EEPD1: variants seen among roughly 807,000 people sequenced by gnomAD.
EEPD1 encodes the protein endonuclease/exonuclease/phosphatase family domain-containing protein 1.
In EEPD1, 17 loss-of-function variants were observed where a neutral mutation model predicts 46.3. The observed-to-expected ratio is 0.37, with a 90% CI of 0.25 to 0.55. The LOEUF (loss-of-function observed/expected upper bound fraction) is 0.55. EEPD1 is among the 20% of genes least tolerant of loss of function. The pLI is 0.83. For missense variants in EEPD1, 673 were observed against 745.6 expected (o/e 0.90, Z 1.13); for synonymous variants, 313 against 315.6 (o/e 0.99, Z 0.09).
Position 36,155,198 on chromosome 7 carries a change from A to C in EEPD1, c.874A>C (p.Asn292His), listed in dbSNP as rs1784808204. The change falls in exon 2 of 8, where the codon AAC becomes CAC. Residue 292 changes from asparagine to histidine, a missense_variant. Coordinates refer to ENST00000242108, the MANE Select transcript of EEPD1 (RefSeq NM_030636.3). Reference protein sequence around the residue: ...REVVCMTLLENSIKLLAVQEL... With the variant: ...REVVCMTLLEHSIKLLAVQEL... ...GGTGGTGTGCATGACACTCCTGGAA[A>C]ACAGGTGAGGACAGGAACCACCATG... 6.6e-7 allele frequency: 1 copy of C among 1,511,618 alleles called. No individual in the cohort carries two copies. Among genetic ancestry groups the C allele is most frequent in the Admixed American group, 2.3e-5 (1 of 43,918 alleles). The allele number at this position is 1,511,618 out of a possible 1,614,324, so 93.6% of individuals were successfully genotyped here.
rs547734963 is a variant in EEPD1, at chr7:36,193,015, A to G, written c.878+37813A>G. 9.8e-5 allele frequency among the ~76,000 whole-genome samples: 15 copies of G among 152,328 alleles called. 1 individual carries two copies. In the South Asian group the frequency reaches 2.9e-3, roughly 29 times the overall value. On this transcript the variant is annotated intron_variant, in intron 2 of 7. Transcript: ENST00000242108. This position sits in a 1 kb window ranked among gnomAD's most constrained non-coding sequence, Gnocchi z 4.9. ...GGGGATGCGCAGCGAGGGGCAGCTC[A>G]GGGCTGGACTCTTCACTGCTGTCTT...
At chr7:36,204,095 C>T (rs10246058) in intron 2 of EEPD1, among the ~76,000 whole-genome samples, 21,037 of 149,410 alleles carry the variant, frequency 0.14, 1,492 homozygotes, top group Middle Eastern at 0.2. Flanking sequence ...AGTGCAGTGA[C>T]GCGATCACAG....
At chr7:36,198,031 A>G (rs1326605602) in intron 2 of EEPD1, among the ~76,000 whole-genome samples, 2 of 152,202 alleles carry the variant, frequency 1.3e-5, no homozygotes, top group African/African-American at 2.4e-5. Context: ...ACCTTTTTCC[A>G]TTTGTCCTTG....
At chr7:36,281,951 A>T (rs1418793811) in intron 4 of EEPD1, among the ~76,000 whole-genome samples, 1 of 152,208 alleles carries the variant, frequency 6.6e-6, no homozygotes, top group African/African-American at 2.4e-5. Context: ...ACTTAATATG[A>T]TTATGTTTAT....
intron 2 of EEPD1, among the ~76,000 whole-genome samples, chr7:36,236,006 C>G (rs1786430080): frequency 6.6e-6 from 1 of 151,516 alleles, no homozygotes. Context: ...CTCACTGCAG[C>G]CTCGACCTCC....
chr7:36,202,753 CT>C (rs1785735473), intron 2 of EEPD1, among the ~76,000 whole-genome samples: 1 of 152,232 alleles, frequency 6.6e-6, no homozygotes, highest in Non-Finnish European at 1.5e-5. Flanking sequence ...GAAACCGCCA[CT>C]AGCCCCATTT....
intron 2 of EEPD1, among the ~76,000 whole-genome samples, chr7:36,197,288 G>GTGGGGGGGTCAGCCC (rs1183639348): frequency 2.7e-5 from 4 of 145,500 alleles, no homozygotes; most frequent in African/African-American, 1.1e-4. Flanking sequence ...CGGGAGGGAG[G>GTGGGGGGGTCAGCCC]TGGGGGGGTC....
At chr7:36,201,982 C>T (rs1025777300) in intron 2 of EEPD1, among the ~76,000 whole-genome samples, 1 of 152,200 alleles carries the variant, frequency 6.6e-6, no homozygotes, top group Non-Finnish European at 1.5e-5. Context: ...GCAGCATCAG[C>T]ATCATCTGAG....
chr7:36,172,947 A>G (rs1785113862), intron 2 of EEPD1, among the ~76,000 whole-genome samples: 1 of 149,018 alleles, frequency 6.7e-6, no homozygotes, highest in Non-Finnish European at 1.5e-5. Flanking sequence ...CTGAGCCCCA[A>G]GTGGGTGGGG....
intron 2 of EEPD1, among the ~76,000 whole-genome samples, chr7:36,224,644 TGGAAAAGCAACAGAAAG>T (rs1209139304): frequency 6.6e-6 from 1 of 151,968 alleles, no homozygotes; most frequent in Non-Finnish European, 1.5e-5. Context: ...ATATTTGACA[TGGAAAAGCAACAGAAAG>T]GGAAAAGCAA....
intron 2 of EEPD1, among the ~76,000 whole-genome samples, chr7:36,172,510 C>T (rs1785102252): frequency 1.3e-5 from 2 of 152,136 alleles, no homozygotes; most frequent in African/African-American, 4.8e-5. Context: ...TTTCCAGTAT[C>T]CTTTATAACA....
intron 2 of EEPD1, among the ~76,000 whole-genome samples, chr7:36,214,737 C>T (rs1189263557): frequency 6.6e-6 from 1 of 152,184 alleles, no homozygotes; most frequent in African/African-American, 2.4e-5. Context: ...GCAGTTGTTG[C>T]AACCTAACTA....
intron 7 of EEPD1, among the ~76,000 whole-genome samples, chr7:36,298,425 A>G (rs1787559775): frequency 6.6e-6 from 1 of 152,222 alleles, no homozygotes; most frequent in Non-Finnish European, 1.5e-5. Flanking sequence ...ACTAAGGACC[A>G]CACAGTGCTT....
At chr7:36,298,805 C>T (rs11773170) in intron 7 of EEPD1, among the ~76,000 whole-genome samples, 35,482 of 152,108 alleles carry the variant, frequency 0.23, 4,677 homozygotes, top group Non-Finnish European at 0.3. Flanking sequence ...TGCAGAAACT[C>T]TCCTTTATGT....
intron 3 of EEPD1, among the ~76,000 whole-genome samples, chr7:36,255,466 T>A (rs909488557): frequency 6.6e-6 from 1 of 152,052 alleles, no homozygotes; most frequent in Admixed American, 6.6e-5. Flanking sequence ...GGCTCTTTAT[T>A]ACTGCCTCAA....
At chr7:36,219,310 A>G (rs918485640) in intron 2 of EEPD1, among the ~76,000 whole-genome samples, 7 of 150,604 alleles carry the variant, frequency 4.6e-5, no homozygotes, top group African/African-American at 1.7e-4. Flanking sequence ...CAAAGCCTAA[A>G]CTCGTGGTCA....
chr7:36,264,912 GA>G (rs72136431), intron 3 of EEPD1, among the ~76,000 whole-genome samples: 3,057 of 146,968 alleles, frequency 0.021, 28 homozygotes, highest in Non-Finnish European at 0.032. Context: ...TGCCCACACT[GA>G]AAAAAAAAAA....
Position 36,284,805 on chromosome 7 carries a change from C to G in EEPD1, c.1161C>G (p.Tyr387Ter). The change falls in exon 5 of 8, where the codon TAC becomes TAG. Residue 387 changes from tyrosine to a stop codon, truncating the protein, a stop_gained. Transcript: ENST00000242108. LOFTEE classifies it high-confidence loss of function. ...GGAAGCTGGCGGGCCCCAGCCCATA[C>G]CTCGGGAGGTTCAAGGTACCCGCTC... is the stretch of plus-strand genomic sequence containing the variant. ...GHGKLAGPSP[Y>*]LGRFKVGSHD... 1 of 1,541,652 alleles carries G rather than the reference C, an allele frequency of 6.5e-7. No homozygotes were observed. The highest frequency in any genetic ancestry group is 8.7e-7 in the Non-Finnish European group (1 of 1,143,166).
chr7:36,177,860 C>T (rs1458427921), intron 2 of EEPD1, among the ~76,000 whole-genome samples: 1 of 152,098 alleles, frequency 6.6e-6, no homozygotes, highest in Non-Finnish European at 1.5e-5. Flanking sequence ...ATTACGGGTG[C>T]GCACCTCCAT....
Sources: allele counts gnomAD v4.1 joint callset (sites outside exome capture counted in the v4.1 genomes callset), GRCh38; gene constraint gnomAD v4.1.1; non-coding constraint Gnocchi (gnomAD v3.1); transcripts MANE v1.5; gene names NCBI Gene and HGNC (gene_info 2026-07-23, HGNC 2026-07-21).